TIPRL: variants seen among roughly 807,000 people sequenced by gnomAD.
TIPRL encodes the protein TOR signaling pathway regulator, also known as TIP41-like protein.
A neutral mutation model predicts 32.3 loss-of-function variants in TIPRL; 10 were observed. The observed-to-expected ratio is 0.31, with a 90% CI of 0.19 to 0.52. The LOEUF (loss-of-function observed/expected upper bound fraction) is 0.52, where lower values mean the gene tolerates loss of function less well. Among genes scored for constraint, TIPRL ranks in the 20% least tolerant of loss-of-function variants. The probability of loss-of-function intolerance (pLI) is 0.96; values close to 1 mark genes in which losing one functional copy is unlikely to be tolerated. For synonymous variants in TIPRL, 100 were observed against 114.0 expected, an observed-to-expected ratio of 0.88 and a Z score of 0.78; for missense variants, 250 against 328.1, an observed-to-expected ratio of 0.76 and a Z score of 1.84.
chr1:168,184,115 G>A, intron 2 of TIPRL, 34 bp downstream of exon 2: 1 of 1,566,810 alleles, frequency 6.4e-7, no homozygotes. Context: ...AAACAAAAAA[G>A]GTAATTAGGT....
intron 4 of TIPRL, among the ~76,000 whole-genome samples, chr1:168,192,803 G>A (rs1047188405): frequency 1.3e-5 from 2 of 152,130 alleles, no homozygotes; most frequent in African/African-American, 4.8e-5. Flanking sequence ...GGAGAATGGC[G>A]TGAACCCGGA....
chr1:168,193,898 T>C (rs1027061967), intron 4 of TIPRL, among the ~76,000 whole-genome samples: 2 of 152,220 alleles, frequency 1.3e-5, no homozygotes, highest in Non-Finnish European at 2.9e-5. Context: ...ATGCATAATA[T>C]GACTGCACCA....
chr1:168,191,878 A>AAAAAAAAAC (rs1700101882), intron 4 of TIPRL, among the ~76,000 whole-genome samples: 1 of 151,602 alleles, frequency 6.6e-6, no homozygotes, highest in Non-Finnish European at 1.5e-5. Flanking sequence ...AAAAAAAAAA[A>AAAAAAAAAC]AAGAATAACA....
chr1:168,186,312 A>G (rs1700027468), intron 3 of TIPRL, among the ~76,000 whole-genome samples: 1 of 151,764 alleles, frequency 6.6e-6, no homozygotes, highest in South Asian at 2.1e-4. Flanking sequence ...CTTGGCCAAC[A>G]TAGTGAGACC....
In TIPRL at chr1:168,201,519, A is replaced by C. The variant is rs1700207347; in HGVS notation, c.*1473A>C. 6.6e-6 allele frequency: 1 copy of C among 151,996 alleles called. No homozygotes were observed. The highest frequency in any genetic ancestry group is 2.4e-5 in the African/African-American group (1 of 41,394). 9.4% of individuals were successfully genotyped at this position (151,996 alleles called of 1,614,324 possible). On this transcript the variant is annotated 3_prime_UTR_variant, in exon 7 of 7. Transcript: ENST00000367833. The stretch of plus-strand genomic sequence containing the variant: ...TTCTGTATCACCTCCAAGCTATAGG[A>C]AATCAGGATTTTGTTGGCTTTAAGA...
At position 168,190,062 on chromosome 1, in the gene TIPRL, T is replaced by A. The variant is rs906951493; in HGVS notation, c.385-1307T>A. 9.8e-5 allele frequency among the ~76,000 whole-genome samples: 15 copies of A among 152,350 alleles called. No individual in the cohort carries two copies. In the Middle Eastern group the frequency reaches 0.01, roughly 104 times the overall value. On this transcript the variant is annotated intron_variant, in intron 3 of 6. Transcript: ENST00000367833. The stretch of plus-strand genomic sequence containing the variant: ...AAATAAAAAGGACGAAATTTACAAG[T>A]GTGTGTATTTAACACTAATTTCAGT...
chr1:168,198,616 A>AT (rs1347739372), intron 5 of TIPRL, among the ~76,000 whole-genome samples: 1 of 152,222 alleles, frequency 6.6e-6, no homozygotes, highest in Non-Finnish European at 1.5e-5. Context: ...ATACAAATTC[A>AT]TTATATACAT....
chr1:168,199,864 A>G (rs1700191333), intron 6 of TIPRL, 39 bp from the exon 7 acceptor site: 1 of 1,574,456 alleles, frequency 6.4e-7, no homozygotes, highest in African/African-American at 1.4e-5. Flanking sequence ...ATTTCAGTAC[A>G]GTAACTGAAT....
chr1:168,194,001 A>G (rs987662695), intron 4 of TIPRL, among the ~76,000 whole-genome samples: 1 of 152,228 alleles, frequency 6.6e-6, no homozygotes, highest in African/African-American at 2.4e-5. Context: ...GATGTAAGGT[A>G]TCAATCAGTG....
At position 168,201,767 on chromosome 1, in the gene TIPRL, C is replaced by G; in HGVS notation, c.*1721C>G. 1 of 122,210 alleles carries G rather than the reference C, an allele frequency of 8.2e-6. No individual in the cohort carries two copies. Among genetic ancestry groups the G allele is most frequent in the East Asian group, 2.3e-4 (1 of 4,286 alleles). The allele number at this position is 122,210 out of a possible 1,614,324, so 7.6% of individuals were successfully genotyped here. A position where few individuals can be genotyped will look rare whatever the true frequency, so the allele number is the denominator to read the frequency against. ...TTCATTAATTGGAGCTTCTGGGCAACATCGTGTGTGTGTGTGTGTGTGTGT... is the reference window on the plus strand; with the variant it reads ...TTCATTAATTGGAGCTTCTGGGCAAGATCGTGTGTGTGTGTGTGTGTGTGT... On this transcript the variant is annotated 3_prime_UTR_variant, in exon 7 of 7. Transcript: ENST00000367833.
rs1444424705 is a variant in TIPRL, at chr1:168,191,362, C to CTT, written c.385-5_385-4dup. 1 of 1,515,220 alleles carries CTT rather than the reference C, an allele frequency of 6.6e-7. No homozygotes were observed. The highest frequency in any genetic ancestry group is 2.6e-5 in the East Asian group (1 of 38,394). The allele number at this position is 1,515,220 out of a possible 1,614,324, so 93.9% of individuals were successfully genotyped here. A position where few individuals can be genotyped will look rare whatever the true frequency, so the allele number is the denominator to read the frequency against. On this transcript the variant is annotated splice_polypyrimidine_tract_variant and splice_region_variant and intron_variant, in intron 3 of 6. Transcript: ENST00000367833. ...AATGTGCTCCTCTTTAAAATTTTTTCTTTCAGGTTGTACCTACAACAGATC... is the reference window on the plus strand; with the variant it reads ...AATGTGCTCCTCTTTAAAATTTTTTCTTTTTCAGGTTGTACCTACAACAGATC...
At chr1:168,193,535 A>T (rs1409963669) in intron 4 of TIPRL, among the ~76,000 whole-genome samples, 1 of 152,168 alleles carries the variant, frequency 6.6e-6, no homozygotes, top group Non-Finnish European at 1.5e-5. Flanking sequence ...TGAATTGACT[A>T]TGCTAAATGT....
At chr1:168,194,125 AT>A (rs112048528) in intron 4 of TIPRL, among the ~76,000 whole-genome samples, 5,598 of 150,524 alleles carry the variant, frequency 0.037, 349 homozygotes, top group African/African-American at 0.13. Context: ...TAATTGAGTG[AT>A]TTTTTTTTTA....
Position 168,187,663 on chromosome 1 carries a change from G to A in TIPRL, c.384+2785G>A, listed in dbSNP as rs1273215589. ...ACTTTGTTAAACTAGGGTAATACTA[G>A]TTGTGAAGTAGGAAATAAAATTATG... On this transcript the variant is annotated intron_variant, in intron 3 of 6. Transcript: ENST00000367833. 2.0e-5 allele frequency among the ~76,000 whole-genome samples: 3 copies of A among 152,176 alleles called. No homozygotes were observed. The East Asian group carries it at 5.8e-4, about 29-fold the overall frequency.
chr1:168,180,026 A>G (rs1443066250), intron 1 of TIPRL, among the ~76,000 whole-genome samples: 1 of 152,178 alleles, frequency 6.6e-6, no homozygotes, highest in African/African-American at 2.4e-5. Flanking sequence ...ATGCCTGGCT[A>G]AGGAGTTTTC....
rs892544453 is a variant in TIPRL at position 168,200,031 on chromosome 1, T to C, written c.804T>C (p.Ser268=). The C allele has an allele frequency of 6.2e-7, 1 of 1,613,146 alleles. No individual in the cohort carries two copies. The highest frequency in any genetic ancestry group is 1.3e-5 in the African/African-American group (1 of 74,882). ...CTAACCCAGCAGACTCACAAAAAAG[T>C]ACACAAGTGGAATAAAATGTGATAC... ...IDPNPADSQK[S]TQVE is the part of the protein sequence containing the mutation. Residue 268 remains serine (S), a synonymous_variant, in exon 7 of 7, where the codon AGT becomes AGC. Transcript: ENST00000367833.
At chr1:168,183,450 G>T (rs1699991943) in intron 1 of TIPRL, among the ~76,000 whole-genome samples, 1 of 147,756 alleles carries the variant, frequency 6.8e-6, no homozygotes, top group South Asian at 2.1e-4. Flanking sequence ...GAAAGTCTGT[G>T]TAGGCAAGTG....
In TIPRL at chr1:168,199,058, C is replaced by G; in HGVS notation, c.675+77C>G. Reference sequence around the variant, plus strand: ...ATTTAAGTAGCATATACCCCTGACCCCAACCACCCAAGTTTACATCCCTAA... The same window carrying G: ...ATTTAAGTAGCATATACCCCTGACCGCAACCACCCAAGTTTACATCCCTAA... On this transcript the variant is annotated intron_variant, in intron 6 of 6. Coordinates refer to ENST00000367833, the MANE Select transcript of TIPRL (RefSeq NM_152902.5). 10 of 1,099,550 alleles carry G rather than the reference C, an allele frequency of 9.1e-6. No homozygotes were observed. In the Admixed American group the frequency reaches 1.5e-4, roughly 16 times the overall value. The allele number at this position is 1,099,550 out of a possible 1,614,324, so 68.1% of individuals were successfully genotyped here.
intron 3 of TIPRL, among the ~76,000 whole-genome samples, chr1:168,186,849 A>G (rs979074511): frequency 6.6e-6 from 1 of 152,182 alleles, no homozygotes; most frequent in Admixed American, 6.5e-5. Context: ...AGGAAACCTG[A>G]TATCATATGT....
Sources: allele counts gnomAD v4.1 joint callset (sites outside exome capture counted in the v4.1 genomes callset), GRCh38; gene constraint gnomAD v4.1.1; transcripts MANE v1.5; gene names NCBI Gene and HGNC (gene_info 2026-07-23, HGNC 2026-07-21).